Variants in GPC4 observed in about 807,000 individuals in gnomAD.
The protein encoded by GPC4 is glypican 4.
GPC4 carries 10 observed loss-of-function variants against 35.0 expected under a neutral mutation model. That is an observed-to-expected ratio of 0.29 (90% confidence interval 0.18 to 0.48). GPC4 has a LOEUF of 0.48. GPC4 is among the 20% of genes least tolerant of loss of function. The probability of loss-of-function intolerance (pLI) is 0.99; values close to 1 mark genes in which losing one functional copy is unlikely to be tolerated. For missense variants in GPC4, 322 were observed against 451.3 expected (o/e 0.71, Z 2.60); for synonymous variants, 167 against 170.2 (o/e 0.98, Z 0.15).
chrX:133,349,554 C>T (rs10126243), intron 1 of GPC4, among the ~76,000 whole-genome samples: 5,985 of 112,088 alleles, frequency 0.053, 402 homozygotes, highest in African/African-American at 0.18. Flanking sequence ...TTTCAGACAC[C>T]TGCTCTAATT....
chrX:133,397,350 G>C (rs1290969036), intron 1 of GPC4, among the ~76,000 whole-genome samples: 2 of 111,403 alleles, frequency 1.8e-5, no homozygotes, highest in Non-Finnish European at 3.8e-5. Context: ...ACTTGCGCTG[G>C]GAGTTCGAGA....
intron 1 of GPC4, among the ~76,000 whole-genome samples, chrX:133,405,878 A>G (rs145112541): frequency 0.014 from 1,624 of 112,400 alleles, 22 homozygotes; most frequent in African/African-American, 0.048. Context: ...GAGCCATTCA[A>G]TGATTGCTGA....
intron 1 of GPC4, among the ~76,000 whole-genome samples, chrX:133,394,535 C>G (rs931452082): frequency 1.8e-5 from 2 of 110,695 alleles, no homozygotes; most frequent in East Asian, 5.7e-4. Context: ...CTGTCCAGCT[C>G]ACCCCAATTA....
chrX:133,355,639 A>T (rs2068538462), intron 1 of GPC4, among the ~76,000 whole-genome samples: 1 of 111,898 alleles, frequency 8.9e-6, no homozygotes, highest in Admixed American at 9.5e-5. Context: ...TAGAACAAGA[A>T]GGGTCAATGA....
intron 1 of GPC4, among the ~76,000 whole-genome samples, chrX:133,390,855 C>G (rs1603093458): frequency 9.0e-6 from 1 of 111,460 alleles, no homozygotes; most frequent in East Asian, 2.8e-4. Flanking sequence ...GCTGAATGCC[C>G]ATCCCCCAGC....
intron 3 of GPC4, among the ~76,000 whole-genome samples, chrX:133,312,487 G>A (rs1321372687): frequency 9.2e-6 from 1 of 109,269 alleles, no homozygotes. Flanking sequence ...AAATTAGCCG[G>A]GCATGGTGGT....
At chrX:133,320,522 G>T (rs185179440) in intron 3 of GPC4, among the ~76,000 whole-genome samples, 1 of 107,669 alleles carries the variant, frequency 9.3e-6, no homozygotes, top group East Asian at 2.9e-4. Context: ...TACTTGGGAG[G>T]CTGAGGCAGG....
Position 133,350,518 on chromosome X carries a change from A to G in GPC4, c.161-11177T>C, listed in dbSNP as rs960731699. ...AAGCCTTGGAGTGGGGTGGGGGGGA[A>G]TGTTTCATTCTGCAAACAAAACAAA... On this transcript the variant is annotated intron_variant, in intron 1 of 8. Coordinates refer to ENST00000370828, the MANE Select transcript of GPC4 (RefSeq NM_001448.3). Among the ~76,000 whole-genome samples the G allele has an allele frequency of 4.5e-5, 5 of 110,538 alleles. No individual in the cohort carries two copies. In the Admixed American group the frequency reaches 4.8e-4, roughly 11 times the overall value.
intron 1 of GPC4, among the ~76,000 whole-genome samples, chrX:133,390,757 T>C (rs1448807180): frequency 8.9e-6 from 1 of 112,054 alleles, no homozygotes; most frequent in African/African-American, 3.2e-5. Context: ...ACACAGACTA[T>C]TATAGCTGGA....
At chrX:133,407,105 C>G (rs1005896902) in intron 1 of GPC4, among the ~76,000 whole-genome samples, 3 of 109,656 alleles carry the variant, frequency 2.7e-5, no homozygotes, top group Non-Finnish European at 5.7e-5. Flanking sequence ...CACACACACA[C>G]ACATTCATCC....
At chrX:133,405,234 G>A (rs183541751) in intron 1 of GPC4, among the ~76,000 whole-genome samples, 328 of 106,583 alleles carry the variant, frequency 3.1e-3, no homozygotes, top group Middle Eastern at 0.024. Flanking sequence ...TCAGCCTCCC[G>A]AGTAGCTGGG....
rs777706776 is a variant in GPC4 at position 133,348,134 on chromosome X, C to T, written c.161-8793G>A. Among the ~76,000 whole-genome samples the T allele has an allele frequency of 8.0e-5, 9 of 112,666 alleles. No individual in the cohort carries two copies. The South Asian group carries it at 3.0e-3, about 37-fold the overall frequency. On this transcript the variant is annotated intron_variant, in intron 1 of 8. Transcript: ENST00000370828. The stretch of plus-strand genomic sequence containing the variant: ...ATGAGCTTATAATAGCTTTAAACTG[C>T]ACTCCAGACAGAAATCAACCAAGGC...
intron 1 of GPC4, among the ~76,000 whole-genome samples, chrX:133,371,837 T>G (rs2068613395): frequency 9.0e-6 from 1 of 111,508 alleles, no homozygotes; most frequent in Non-Finnish European, 1.9e-5. Flanking sequence ...TTCTAAGTCA[T>G]TCTAAAATGG....
intron 3 of GPC4, among the ~76,000 whole-genome samples, chrX:133,322,210 G>C (rs1479152660): frequency 9.0e-6 from 1 of 111,307 alleles, no homozygotes; most frequent in Non-Finnish European, 1.9e-5. Context: ...TTGGGAGGCA[G>C]AGGCAGTCAG....
chrX:133,338,203 C>T (rs1482563428), intron 2 of GPC4, among the ~76,000 whole-genome samples: 1 of 111,592 alleles, frequency 9.0e-6, no homozygotes, highest in East Asian at 2.8e-4. Flanking sequence ...ACTTTCTCAC[C>T]ATGGTAACAA....
chrX:133,396,912 T>A (rs1351433764), intron 1 of GPC4, among the ~76,000 whole-genome samples: 1 of 112,177 alleles, frequency 8.9e-6, no homozygotes, highest in South Asian at 3.7e-4. Flanking sequence ...TTTCCCTATG[T>A]AGGTGTTAAT....
intron 1 of GPC4, among the ~76,000 whole-genome samples, chrX:133,381,783 C>A (rs1242406688): frequency 8.9e-6 from 1 of 112,223 alleles, no homozygotes; most frequent in African/African-American, 3.2e-5. Flanking sequence ...CCCATAACGC[C>A]TACTGTTGTC....
At chrX:133,381,035 T>C (rs771894642) in intron 1 of GPC4, among the ~76,000 whole-genome samples, 110 of 111,025 alleles carry the variant, frequency 9.9e-4, no homozygotes, top group Non-Finnish European at 1.9e-3. Context: ...TCCCTCAACA[T>C]AGAACCAGAA....
chrX:133,388,375 G>A (rs1603092461), intron 1 of GPC4, among the ~76,000 whole-genome samples: 1 of 111,959 alleles, frequency 8.9e-6, no homozygotes, highest in Non-Finnish European at 1.9e-5. Flanking sequence ...TTTTCTTAAC[G>A]GAAAGGAAAC....
Sources: allele counts gnomAD v4.1 joint callset (sites outside exome capture counted in the v4.1 genomes callset), GRCh38; gene constraint gnomAD v4.1.1; transcripts MANE v1.5; gene names NCBI Gene and HGNC (gene_info 2026-07-23, HGNC 2026-07-21).